The following TMEM247 variants were observed in gnomAD, a reference collection of about 807,000 sequenced individuals.
TMEM247 encodes transmembrane protein 247, also known as transmembrane protein ENSP00000343375.
Under a neutral mutation model 20.7 loss-of-function variants are expected in TMEM247, and 23 were observed. The ratio of observed to expected loss-of-function variants is 1.11; its 90% CI spans 0.80 to 1.57. The LOEUF is 1.57. Among genes scored for constraint, TMEM247 ranks in the 40% most tolerant of loss-of-function variants. The pLI is 0.00. For missense variants in TMEM247, 354 were observed against 283.8 expected (o/e 1.25, Z -1.78); for synonymous variants, 106 against 111.9 (o/e 0.95, Z 0.33).
At chr2:46,480,880 T>C (rs1686876038) in intron 2 of TMEM247, 116 bp downstream of exon 2, 1 of 1,350,828 alleles carries the variant, frequency 7.4e-7, no homozygotes, top group South Asian at 1.5e-5. Flanking sequence ...CTGCAGATCC[T>C]GGATCTCGGC....
intron 2 of TMEM247, 150 bp downstream of exon 2, chr2:46,480,914 G>C (rs1237424383): frequency 1.7e-6 from 2 of 1,171,380 alleles, no homozygotes; most frequent in Non-Finnish European, 2.3e-6. Flanking sequence ...GCATCCACTC[G>C]GGCGGTCTCC....
chr2:46,483,996 G>T (rs1248186688), intron 2 of TMEM247, among the ~76,000 whole-genome samples: 2 of 151,994 alleles, frequency 1.3e-5, no homozygotes, highest in East Asian at 3.9e-4. Context: ...TCACTACATT[G>T]CCCAGGCTGG....
At chr2:46,483,177 C>G (rs1204611420) in intron 2 of TMEM247, among the ~76,000 whole-genome samples, 4 of 152,154 alleles carry the variant, frequency 2.6e-5, no homozygotes, top group African/African-American at 9.7e-5. Flanking sequence ...GGGTTATGCC[C>G]TCTTAACTAT....
chr2:46,479,700 C>A (rs1457927973), exon 1 of TMEM247: 3 of 1,548,444 alleles, frequency 1.9e-6, no homozygotes, highest in Non-Finnish European at 2.6e-6. Context: ...AAGGGCTTAT[C>A]TGGTAAGGGG....
At chr2:46,484,408 T>C in exon 3 of TMEM247, 1 of 1,551,738 alleles carries the variant, frequency 6.4e-7, no homozygotes, top group South Asian at 1.2e-5. Context: ...TCTGTTTGAT[T>C]AAAACTTTCT....
intron 2 of TMEM247, among the ~76,000 whole-genome samples, chr2:46,484,032 C>A (rs1416187628): frequency 6.6e-6 from 1 of 152,178 alleles, no homozygotes; most frequent in Non-Finnish European, 1.5e-5. Context: ...TTCAAGCAAT[C>A]CTCCCACCTT....
intron 2 of TMEM247, among the ~76,000 whole-genome samples, chr2:46,483,963 T>A (rs1441939189): frequency 2.0e-5 from 3 of 151,906 alleles, no homozygotes; most frequent in Admixed American, 6.6e-5. Flanking sequence ...ATTTTTAAAT[T>A]TTTTTTTATA....
intron 2 of TMEM247, among the ~76,000 whole-genome samples, chr2:46,482,666 C>T (rs1686912356): frequency 6.6e-6 from 1 of 152,210 alleles, no homozygotes; most frequent in African/African-American, 2.4e-5. Context: ...GACTGAAACA[C>T]GTGCAGACTG....
intron 1 of TMEM247, 148 bp from the exon 2 acceptor site, chr2:46,480,257 A>G (rs1440568885): frequency 3.2e-6 from 3 of 938,622 alleles, no homozygotes; most frequent in African/African-American, 1.7e-5. Flanking sequence ...TCCCGGTAAG[A>G]GCACTTCTAA....
chr2:46,483,557 C>T (rs1572685939), intron 2 of TMEM247, among the ~76,000 whole-genome samples: 1 of 152,218 alleles, frequency 6.6e-6, no homozygotes, highest in African/African-American at 2.4e-5. Flanking sequence ...AGAGAACACT[C>T]CCAAGACCCA....
At chr2:46,480,407 G>T (rs1221048735) in exon 2 of TMEM247, 1 of 1,541,292 alleles carries the variant, frequency 6.5e-7, no homozygotes, top group Non-Finnish European at 8.8e-7. Flanking sequence ...TACGCCAGGA[G>T]GCAGAGTCCC....
At chr2:46,481,745 C>G (rs1686893825) in intron 2 of TMEM247, among the ~76,000 whole-genome samples, 1 of 152,232 alleles carries the variant, frequency 6.6e-6, no homozygotes, top group South Asian at 2.1e-4. Context: ...ACATTTATCA[C>G]TTTTCAGTTT....
chr2:46,480,714 C>T lies in TMEM247; in HGVS notation c.427C>T (p.Gln143Ter). 6.4e-7 allele frequency: 1 copy of T among 1,551,428 alleles called. No individual in the cohort carries two copies. The highest frequency in any genetic ancestry group is 8.7e-7 in the Non-Finnish European group (1 of 1,146,912). Reference sequence around the variant, plus strand: ...GATGGAGCAGCTGCAGCGGGAGCGGCAGCACGAGGTGGTGATGGAGCAGCT... The same window carrying T: ...GATGGAGCAGCTGCAGCGGGAGCGGTAGCACGAGGTGGTGATGGAGCAGCT... Residue 143 changes from glutamine to a stop codon, truncating the protein, a stop_gained, in exon 2 of 3, where the codon CAG becomes TAG. Transcript: ENST00000434431. LOFTEE classifies it high-confidence loss of function.
At chr2:46,479,577 G>C (rs1314591500) in exon 1 of TMEM247, 1 of 1,551,122 alleles carries the variant, frequency 6.4e-7, no homozygotes, top group South Asian at 1.2e-5. Flanking sequence ...CAGCGTTCTG[G>C]TTTTCTGGAT....
chr2:46,481,082 G>A (rs935641136), intron 2 of TMEM247, among the ~76,000 whole-genome samples: 8 of 152,028 alleles, frequency 5.3e-5, no homozygotes, highest in Admixed American at 2.6e-4. Flanking sequence ...GAACCACATC[G>A]CCCACCCGAC....
chr2:46,482,033 G>A (rs906528189), intron 2 of TMEM247, among the ~76,000 whole-genome samples: 11 of 152,168 alleles, frequency 7.2e-5, no homozygotes, highest in Non-Finnish European at 1.6e-4. Flanking sequence ...ATTACCTATA[G>A]CATTTCCCCA....
At chr2:46,479,836 G>A in intron 1 of TMEM247, 134 bp downstream of exon 1, 1 of 655,640 alleles carries the variant, frequency 1.5e-6, no homozygotes, top group Non-Finnish European at 2.7e-6. Context: ...CCCTGTAACT[G>A]GCACCAGCTG....
Position 46,480,239 on chromosome 2 carries a change from C to G in TMEM247, c.118-166C>G, listed in dbSNP as rs181062692. On this transcript the variant is annotated intron_variant, in intron 1 of 2. Transcript: ENST00000434431. Reference sequence around the variant, plus strand: ...TTGCCCTCTCCTTGACCCGCAGGTCCTGACAACTCCCGGTAAGAGCACTTC... The same window carrying G: ...TTGCCCTCTCCTTGACCCGCAGGTCGTGACAACTCCCGGTAAGAGCACTTC... Among the ~76,000 whole-genome samples the G allele has an allele frequency of 7.1e-3, 1,084 of 152,298 alleles. 15 individuals carry two copies. The highest frequency in any genetic ancestry group is 0.044 in the South Asian group (214 of 4,828).
chr2:46,484,188 A>C, intron 2 of TMEM247, 56 bp from the exon 3 acceptor site: 2 of 1,476,618 alleles, frequency 1.4e-6, no homozygotes, highest in Non-Finnish European at 1.8e-6. Flanking sequence ...CTGAACCTAG[A>C]TCTGCCTGGC....
Sources: allele counts gnomAD v4.1 joint callset (sites outside exome capture counted in the v4.1 genomes callset), GRCh38; gene constraint gnomAD v4.1.1; transcripts MANE v1.5; gene names NCBI Gene and HGNC (gene_info 2026-07-23, HGNC 2026-07-21).